YEATS4: variants seen among roughly 807,000 people sequenced by gnomAD.
YEATS4 encodes the protein YEATS domain containing 4, also known as YEATS domain-containing protein 4.
In YEATS4, 17 loss-of-function variants were observed where a neutral mutation model predicts 30.1. The observed-to-expected ratio is 0.56, with a 90% CI of 0.39 to 0.85. YEATS4 has a LOEUF of 0.85. Among genes scored for constraint, YEATS4 ranks in the 40% least tolerant of loss-of-function variants. YEATS4 has a pLI of 0.00. For synonymous variants in YEATS4, 85 were observed against 87.5 expected (o/e 0.97, Z 0.16); for missense variants, 142 against 268.3 (o/e 0.53, Z 3.29).
the YEATS4 span, among the ~76,000 whole-genome samples, chr12:69,422,255 G>A: frequency 2.0e-5 from 3 of 152,108 alleles, no homozygotes; most frequent in East Asian, 1.9e-4. Context: ...AAGGAACATC[G>A]AAGACCCTGA....
the YEATS4 span, among the ~76,000 whole-genome samples, chr12:69,405,348 A>T: frequency 6.6e-6 from 1 of 152,228 alleles, no homozygotes; most frequent in African/African-American, 2.4e-5. Context: ...AATAACTAAT[A>T]ATAAAATAGA....
the YEATS4 span, among the ~76,000 whole-genome samples, chr12:69,409,504 C>A: frequency 1.3e-5 from 2 of 151,848 alleles, no homozygotes; most frequent in Non-Finnish European, 2.9e-5. Flanking sequence ...GTAGTCCCAG[C>A]TACTCGGGAG....
At chr12:69,416,675 G>A in the YEATS4 span, among the ~76,000 whole-genome samples, 1 of 152,180 alleles carries the variant, frequency 6.6e-6, no homozygotes, top group Non-Finnish European at 1.5e-5. Flanking sequence ...GGGAAGACAA[G>A]GCATCTATGA....
Position 69,359,769 on chromosome 12 carries a change from G to C in YEATS4, c.-204G>C. 1 of 589,464 alleles carries C rather than the reference G, an allele frequency of 1.7e-6. No homozygotes were observed. The highest frequency in any genetic ancestry group is 2.3e-5 in the South Asian group (1 of 44,068). The allele number at this position is 589,464 out of a possible 1,614,324, so 36.5% of individuals were successfully genotyped here. On this transcript the variant is annotated 5_prime_UTR_variant, in exon 1 of 7. Coordinates refer to ENST00000247843, the MANE Select transcript of YEATS4 (RefSeq NM_006530.4). ...TCTTTTCGCGGCGTTCTCCACCTGC[G>C]CGGGCCTGAATGGCCTTCAGGAGCA... is the stretch of plus-strand genomic sequence containing the variant.
intron 4 of YEATS4, among the ~76,000 whole-genome samples, chr12:69,368,629 C>T (rs544245609): frequency 7.2e-4 from 110 of 152,192 alleles, no homozygotes; most frequent in Non-Finnish European, 1.4e-3. Flanking sequence ...ATTAAAACAA[C>T]AGAAATTTAT....
chr12:69,412,537 C>T, the YEATS4 span, among the ~76,000 whole-genome samples: 1 of 152,068 alleles, frequency 6.6e-6, no homozygotes, highest in Non-Finnish European at 1.5e-5. Flanking sequence ...CCTGTAGTCC[C>T]AGATACTCAG....
At chr12:69,366,978 C>T (rs1051769253) in intron 4 of YEATS4, among the ~76,000 whole-genome samples, 8 of 152,262 alleles carry the variant, frequency 5.3e-5, no homozygotes, top group Non-Finnish European at 8.8e-5. Flanking sequence ...GGGGCCAGCA[C>T]CCCAGGTGAT....
At chr12:69,391,379 C>G (rs12307413), downstream of YEATS4, among the ~76,000 whole-genome samples, 1,867 of 152,274 alleles carry the variant, frequency 0.012, 22 homozygotes, top group African/African-American at 0.029. Flanking sequence ...TACTCCTACC[C>G]TCTCCTCTTT....
chr12:69,369,465 A>G (rs936332848), intron 4 of YEATS4, among the ~76,000 whole-genome samples: 1 of 152,164 alleles, frequency 6.6e-6, no homozygotes, highest in Non-Finnish European at 1.5e-5. Context: ...TTTCTTGTCT[A>G]TGAATGGAGA....
chr12:69,378,059 T>A (rs1268117501), intron 6 of YEATS4, among the ~76,000 whole-genome samples: 1 of 152,232 alleles, frequency 6.6e-6, no homozygotes, highest in Non-Finnish European at 1.5e-5. Flanking sequence ...AATTGTTATA[T>A]CCTCTTGCTG....
rs1198849494 is a variant in YEATS4, at chr12:69,362,981, A to AATTTTTTTTTTTTTTTT, written c.171+74_171+75insATTTTTTTTTTTTTTTT. 3.9e-5 allele frequency: 12 copies of AATTTTTTTTTTTTTTTT among 307,590 alleles called. 6 individuals carry two copies. Among genetic ancestry groups the AATTTTTTTTTTTTTTTT allele is most frequent in the African/African-American group, 1.4e-4 (4 of 27,712 alleles). The allele number at this position is 307,590 out of a possible 1,614,324, so 19.1% of individuals were successfully genotyped here. On this transcript the variant is annotated intron_variant, in intron 2 of 6. Coordinates refer to ENST00000247843, the MANE Select transcript of YEATS4 (RefSeq NM_006530.4). ...TTTGTTTTGCTTAAAGACAACCTGT[A>AATTTTTTTTTTTTTTTT]GTTTTTTTTTTTTTTTTTTTTTTTT... is the stretch of plus-strand genomic sequence containing the variant.
chr12:69,400,321 C>A, the YEATS4 span, among the ~76,000 whole-genome samples: 1 of 151,980 alleles, frequency 6.6e-6, no homozygotes, highest in African/African-American at 2.4e-5. Flanking sequence ...ACTTAGCCAC[C>A]AAGCTGTATT....
chr12:69,368,365 G>T (rs1360764045), intron 4 of YEATS4, among the ~76,000 whole-genome samples: 1 of 152,118 alleles, frequency 6.6e-6, no homozygotes, highest in Non-Finnish European at 1.5e-5. Flanking sequence ...GCAAGTATAG[G>T]CAGTTTCATT....
rs1555174243 is a variant in YEATS4 at position 69,362,013 on chromosome 12, G to GTTTTTGTTTTTTTTTTTTTTTT, written c.52-770_52-769insGTTTTTTTTTTTTTTTTTTTTT. ...TTTTTAAATTGTAGGGTGTTTGGTTGTTTTTTTTTTTTTTTTTTTTTGGAG... is the reference window on the plus strand; with the variant it reads ...TTTTTAAATTGTAGGGTGTTTGGTTGTTTTTGTTTTTTTTTTTTTTTTTTTTTTTTTTTTTTTTTTTTTGGAG... On this transcript the variant is annotated intron_variant, in intron 1 of 6. Transcript: ENST00000247843. Among the ~76,000 whole-genome samples the GTTTTTGTTTTTTTTTTTTTTTT allele has an allele frequency of 1.2e-4, 8 of 69,068 alleles. 1 individual carries two copies. The highest frequency in any genetic ancestry group is 4.2e-4 in the East Asian group (1 of 2,392). The allele number at this position is 69,068 out of a possible 152,430, so 45.3% of individuals were successfully genotyped here.
At chr12:69,395,846 G>A (rs754680995), downstream of YEATS4, among the ~76,000 whole-genome samples, 1 of 152,084 alleles carries the variant, frequency 6.6e-6, no homozygotes, top group African/African-American at 2.4e-5. Context: ...TGCATTGTCC[G>A]GTGAACTCGG....
chr12:69,392,181 C>T (rs1245366070), downstream of YEATS4, among the ~76,000 whole-genome samples: 4 of 152,132 alleles, frequency 2.6e-5, no homozygotes, highest in African/African-American at 7.2e-5. Flanking sequence ...TGAAGTGTAT[C>T]GCATTTCACT....
At chr12:69,381,453 TACAA>T (rs1876075763) in intron 6 of YEATS4, among the ~76,000 whole-genome samples, 1 of 152,186 alleles carries the variant, frequency 6.6e-6, no homozygotes, top group African/African-American at 2.4e-5. Flanking sequence ...ACACATGCTC[TACAA>T]ACAATTTGTG....
At chr12:69,384,906 G>C (rs1410717073) in intron 6 of YEATS4, among the ~76,000 whole-genome samples, 1 of 152,138 alleles carries the variant, frequency 6.6e-6, no homozygotes, top group Non-Finnish European at 1.5e-5. Flanking sequence ...TAGAATAAGA[G>C]ATCACCAGTA....
chr12:69,389,215 TAAG>T (rs1868286573), intron 6 of YEATS4, among the ~76,000 whole-genome samples: 1 of 151,934 alleles, frequency 6.6e-6, no homozygotes, highest in Admixed American at 6.6e-5. Flanking sequence ...TTTGGGAGGC[TAAG>T]GAGGGCGGAT....
Sources: allele counts gnomAD v4.1 joint callset (sites outside exome capture counted in the v4.1 genomes callset), GRCh38; gene constraint gnomAD v4.1.1; transcripts MANE v1.5; gene names NCBI Gene and HGNC (gene_info 2026-07-23, HGNC 2026-07-21).